Variants in MAP4K5 observed in about 807,000 individuals in gnomAD.
The protein encoded by MAP4K5 is mitogen-activated protein kinase kinase kinase kinase 5, also known as MAPK/ERK kinase kinase kinase 5.
MAP4K5 carries 82 observed loss-of-function variants against 135.6 expected under a neutral mutation model. That is an observed-to-expected ratio of 0.60 (90% confidence interval 0.51 to 0.73). The LOEUF (loss-of-function observed/expected upper bound fraction) is 0.73. Ranked by LOEUF, MAP4K5 falls within the 30% of genes least tolerant of loss-of-function variation. The pLI, the probability that MAP4K5 is intolerant of heterozygous loss-of-function variation, is 0.00. For synonymous variants in MAP4K5, 347 were observed against 335.0 expected, an observed-to-expected ratio of 1.04 and a Z score of -0.39; for missense variants, 907 against 1,010.9, an observed-to-expected ratio of 0.90 and a Z score of 1.39.
At chr14:50,460,217 C>A (rs1055656902) in intron 13 of MAP4K5, among the ~76,000 whole-genome samples, 2 of 152,110 alleles carry the variant, frequency 1.3e-5, no homozygotes, top group Non-Finnish European at 2.9e-5. Context: ...CCTCCCATTC[C>A]ATCACATGTG....
intron 18 of MAP4K5, among the ~76,000 whole-genome samples, chr14:50,444,527 T>A (rs1311717935): frequency 6.6e-6 from 1 of 151,862 alleles, no homozygotes; most frequent in Non-Finnish European, 1.5e-5. Context: ...GGCAGGCGGA[T>A]CACTTGAGCC....
rs912370886 is a variant in MAP4K5, at chr14:50,434,504, T to C, written c.2054A>G (p.Tyr685Cys). Residue 685 changes from tyrosine to cysteine, a missense_variant, in exon 28 of 33, where the codon TAC (tyrosine) becomes TGC (cysteine). Around this residue, in one of 3 missense-constraint regions of MAP4K5, gnomAD observed 690 missense variants for 777.4 expected, o/e 0.89. Coordinates refer to ENST00000682126, the MANE Select transcript of MAP4K5 (RefSeq NM_006575.6). ...GCTAATAGCTACACAGACCATAGGG[T>C]ATTCCTGTTCAGGTATCACCAGCAT... is the stretch of plus-strand genomic sequence containing the variant. ...FEMLVIPEQE[Y>C]PMVCVAISKG... The C allele has an allele frequency of 1.1e-5, 17 of 1,607,148 alleles. No individual in the cohort carries two copies. The highest frequency in any genetic ancestry group is 1.4e-5 in the Non-Finnish European group (17 of 1,176,712).
At chr14:50,499,206 C>G (rs368754847) in intron 3 of MAP4K5, among the ~76,000 whole-genome samples, 1 of 150,894 alleles carries the variant, frequency 6.6e-6, no homozygotes, top group African/African-American at 2.4e-5. Context: ...AACAGTGCTT[C>G]AAACTCTCAG....
chr14:50,462,914 T>G (rs2036744693), intron 12 of MAP4K5, 133 bp from the exon 13 acceptor site: 3 of 568,080 alleles, frequency 5.3e-6, no homozygotes, highest in Non-Finnish European at 6.2e-6. Flanking sequence ...AAATAAACTG[T>G]GTTAGTAAAA....
At chr14:50,430,782 TCCA>T (rs548735020) in intron 28 of MAP4K5, among the ~76,000 whole-genome samples, 216 of 152,324 alleles carry the variant, frequency 1.4e-3, no homozygotes, top group Non-Finnish European at 1.0e-3. Context: ...ATGTCCTAAA[TCCA>T]GGCAAGCTGT....
chr14:50,533,127 GTTC>G (rs1316262381), upstream of MAP4K5: 1 of 152,398 alleles, frequency 6.6e-6, no homozygotes, highest in East Asian at 1.9e-4. Flanking sequence ...CTTCTACTTA[GTTC>G]TTCTGAGACA....
intron 9 of MAP4K5, chr14:50,472,414 T>C (rs758672353): frequency 2.6e-5 from 4 of 152,162 alleles, no homozygotes; most frequent in East Asian, 3.8e-4. Flanking sequence ...AATAACCATA[T>C]GTATATGAGA....
rs117162889 is a variant in MAP4K5 at position 50,509,826 on chromosome 14, T to C, written c.109-4969A>G. Among the ~76,000 whole-genome samples, 24 of 152,310 alleles carry C rather than the reference T, an allele frequency of 1.6e-4. No homozygotes were observed. In the East Asian group the frequency reaches 4.6e-3, roughly 29 times the overall value. On this transcript the variant is annotated intron_variant, in intron 2 of 32. Transcript: ENST00000682126. ...AGAGATCATTTAAATTGTTTTTTCA[T>C]TTAAAATTTTCACTGGACTCCTATA...
At chr14:50,560,620 C>T in intron 1 of MAP4K5, 1 of 398,598 alleles carries the variant, frequency 2.5e-6, no homozygotes, top group Non-Finnish European at 4.7e-6. Context: ...GTGGGTTCCG[C>T]CTTAGCGATC....
At chr14:50,483,075 A>G (rs1409183518) in intron 5 of MAP4K5, 1 of 152,260 alleles carries the variant, frequency 6.6e-6, no homozygotes, top group Admixed American at 6.5e-5. Context: ...AAAGAAATAC[A>G]TATAACTAAT....
chr14:50,517,957 G>A (rs2038068671), intron 2 of MAP4K5, among the ~76,000 whole-genome samples: 1 of 152,024 alleles, frequency 6.6e-6, no homozygotes, highest in South Asian at 2.1e-4. Flanking sequence ...TTTATTCACT[G>A]AGCACCTCTG....
intron 1 of MAP4K5, among the ~76,000 whole-genome samples, chr14:50,553,728 A>G (rs1384980156): frequency 6.6e-6 from 1 of 152,360 alleles, no homozygotes; most frequent in East Asian, 1.9e-4. Flanking sequence ...ATGAGCGGAT[A>G]AAGGAAATGT....
intron 26 of MAP4K5, among the ~76,000 whole-genome samples, chr14:50,435,329 A>G (rs1442278646): frequency 6.6e-6 from 1 of 152,008 alleles, no homozygotes; most frequent in Non-Finnish European, 1.5e-5. Context: ...GCAACCTAAA[A>G]AGGTGTTTTT....
At chr14:50,537,748 G>A (rs2038512900) in intron 2 of MAP4K5, among the ~76,000 whole-genome samples, 3 of 152,256 alleles carry the variant, frequency 2.0e-5, no homozygotes, top group Admixed American at 6.5e-5. Flanking sequence ...CTTGATTTCA[G>A]ACTTGCAGGG....
intron 30 of MAP4K5, 73 bp downstream of exon 30, chr14:50,428,589 A>C: frequency 1.2e-6 from 1 of 834,664 alleles, no homozygotes; most frequent in East Asian, 2.8e-5. Flanking sequence ...TGGTCTAGAC[A>C]ACCCTAAGTA....
chr14:50,441,258 A>C (rs946446200), intron 21 of MAP4K5, among the ~76,000 whole-genome samples: 1 of 152,158 alleles, frequency 6.6e-6, no homozygotes, highest in Non-Finnish European at 1.5e-5. Flanking sequence ...CATATTAATT[A>C]CCTATAAATC....
intron 17 of MAP4K5, 102 bp from the exon 18 acceptor site, chr14:50,445,296 A>G: frequency 5.9e-6 from 6 of 1,022,750 alleles, no homozygotes; most frequent in Non-Finnish European, 8.3e-6. Flanking sequence ...TATACAGTTC[A>G]ATTCACTGGG....
intron 3 of MAP4K5, among the ~76,000 whole-genome samples, chr14:50,496,662 C>T (rs2037600500): frequency 6.6e-6 from 1 of 151,652 alleles, no homozygotes; most frequent in African/African-American, 2.4e-5. Flanking sequence ...AAGCAGGCTG[C>T]CGTGCTCTGC....
At chr14:50,454,856 T>C (rs1428968162) in intron 14 of MAP4K5, among the ~76,000 whole-genome samples, 1 of 151,956 alleles carries the variant, frequency 6.6e-6, no homozygotes. Flanking sequence ...GAAGGCACAA[T>C]AGCCAAATGT....
Sources: allele counts gnomAD v4.1 joint callset (sites outside exome capture counted in the v4.1 genomes callset), GRCh38; gene constraint gnomAD v4.1.1; regional missense constraint gnomAD v4.1.1; transcripts MANE v1.5; gene names NCBI Gene and HGNC (gene_info 2026-07-23, HGNC 2026-07-21).